Variants in KCNA6 observed in about 807,000 individuals in gnomAD.
KCNA6 encodes the protein human brain potassium channel-2.
Under a neutral mutation model 29.5 loss-of-function variants are expected in KCNA6, and 17 were observed. The observed-to-expected ratio is 0.58, with a 90% CI of 0.39 to 0.86. The LOEUF is 0.86. Among genes scored for constraint, KCNA6 ranks in the 40% least tolerant of loss-of-function variants. The pLI, the probability that KCNA6 is intolerant of heterozygous loss-of-function variation, is 0.00. For synonymous variants in KCNA6, 296 were observed against 304.7 expected, an observed-to-expected ratio of 0.97 and a Z score of 0.30; for missense variants, 450 against 703.4, an observed-to-expected ratio of 0.64 and a Z score of 4.07.
In KCNA6 at chr12:4,810,229, C is replaced by T; in HGVS notation, c.188C>T (p.Pro63Leu). Residue 63 changes from proline to leucine, a missense_variant, in exon 1 of 1, where the codon CCG (proline) becomes CTG (leucine). By Grantham distance (98) the Pro-to-Leu change is moderately conservative. This residue lies in a region of KCNA6 where 133 missense variants were observed against 217.5 expected (regional missense o/e 0.61). Transcript: ENST00000280684. This position sits in a 1 kb window ranked among gnomAD's most constrained non-coding sequence, Gnocchi z 7.5. ...CAATTGCGCACCCTGTCGCTGTTTC[C>T]GGACACGCTGCTCGGAGACCCTGGC... 6.2e-7 allele frequency: 1 copy of T among 1,613,858 alleles called. No individual in the cohort carries two copies. Among genetic ancestry groups the T allele is most frequent in the East Asian group, 2.2e-5 (1 of 44,874 alleles).
At chr12:4,822,719 G>T in the KCNA6 span, among the ~76,000 whole-genome samples, 1 of 152,230 alleles carries the variant, frequency 6.6e-6, no homozygotes, top group Non-Finnish European at 1.5e-5. Context: ...ACTCCCGCTG[G>T]CTAGGACTGA....
At chr12:4,832,253 GA>G in the KCNA6 span, among the ~76,000 whole-genome samples, 2 of 151,954 alleles carry the variant, frequency 1.3e-5, no homozygotes, top group East Asian at 3.9e-4. Flanking sequence ...CTGGCAATGT[GA>G]AAAAAACAAG....
chr12:4,845,099 A>C, the KCNA6 span, among the ~76,000 whole-genome samples: 1 of 152,006 alleles, frequency 6.6e-6, no homozygotes, highest in Admixed American at 6.6e-5. Context: ...TGCCCTGTAC[A>C]GCTGGTGTCC....
rs771239716 is a variant in KCNA6 at position 4,810,751 on chromosome 12, G to A, written c.710G>A (p.Gly237Asp). 13 of 1,607,062 alleles carry A rather than the reference G, an allele frequency of 8.1e-6. No homozygotes were observed. In the African/African-American group the frequency reaches 1.7e-4, roughly 21 times the overall value. The change falls in exon 1 of 1, where the codon GGC (glycine) becomes GAC (aspartate). Residue 237 changes from glycine (G) to aspartate (D), a missense_variant. Physicochemically the swap from Gly to Asp is moderately conservative, Grantham distance 94. Around this residue, in one of 7 missense-constraint regions of KCNA6, gnomAD observed 74 missense variants for 71.5 expected, o/e 1.03. Transcript: ENST00000280684. This position sits in a 1 kb window ranked among gnomAD's most constrained non-coding sequence, Gnocchi z 7.5. ...GACGATTCCTACACATTTCATCATG[G>A]CATCACCCCTGGGGAAATGGGGACC...
the KCNA6 span, among the ~76,000 whole-genome samples, chr12:4,841,690 C>T: frequency 6.6e-6 from 1 of 152,194 alleles, no homozygotes; most frequent in South Asian, 2.1e-4. Context: ...CTTTTGCACA[C>T]TTTCTGTCAG....
chr12:4,849,450 A>C, the KCNA6 span, among the ~76,000 whole-genome samples: 1 of 143,692 alleles, frequency 7.0e-6, no homozygotes. Context: ...GTTACCTTTC[A>C]CCTGATGGCC....
the KCNA6 span, among the ~76,000 whole-genome samples, chr12:4,841,196 G>C: frequency 6.6e-6 from 1 of 152,156 alleles, no homozygotes; most frequent in African/African-American, 2.4e-5. Context: ...GCTGAATTTA[G>C]AATCGTGTGC....
chr12:4,847,688 T>G, the KCNA6 span, among the ~76,000 whole-genome samples: 1 of 152,216 alleles, frequency 6.6e-6, no homozygotes, highest in Non-Finnish European at 1.5e-5. Flanking sequence ...ATTTTCTGTT[T>G]TCTCTGAGTT....
chr12:4,830,472 C>A, the KCNA6 span, among the ~76,000 whole-genome samples: 1 of 152,230 alleles, frequency 6.6e-6, no homozygotes, highest in African/African-American at 2.4e-5. Flanking sequence ...CTGGAGCCCC[C>A]TGCAGTGGTG....
At chr12:4,838,176 C>T in the KCNA6 span, among the ~76,000 whole-genome samples, 1 of 152,214 alleles carries the variant, frequency 6.6e-6, no homozygotes, top group Non-Finnish European at 1.5e-5. Flanking sequence ...ACCCCTTCCT[C>T]AGACGTTTGG....
At chr12:4,846,500 TTG>T in the KCNA6 span, among the ~76,000 whole-genome samples, 19,729 of 152,192 alleles carry the variant, frequency 0.13, 1,462 homozygotes, top group African/African-American at 0.19. Flanking sequence ...AGTGTTGTAT[TTG>T]TGTTTCCTTT....
At chr12:4,849,278 G>A in the KCNA6 span, among the ~76,000 whole-genome samples, 14 of 152,104 alleles carry the variant, frequency 9.2e-5, no homozygotes, top group South Asian at 2.9e-3. Flanking sequence ...GACCCGTAGC[G>A]TTTGGAACTT....
At chr12:4,835,677 ACT>A in the KCNA6 span, among the ~76,000 whole-genome samples, 1 of 151,270 alleles carries the variant, frequency 6.6e-6, no homozygotes, top group Non-Finnish European at 1.5e-5. Flanking sequence ...TTGTTAGGAA[ACT>A]CTCTCCCACC....
the KCNA6 span, among the ~76,000 whole-genome samples, chr12:4,826,692 T>C: frequency 6.6e-6 from 1 of 152,382 alleles, no homozygotes; most frequent in African/African-American, 2.4e-5. Flanking sequence ...TTGAAAATTC[T>C]GCGGATACCC....
the KCNA6 span, among the ~76,000 whole-genome samples, chr12:4,844,941 A>G: frequency 1.3e-5 from 2 of 152,110 alleles, no homozygotes; most frequent in African/African-American, 4.8e-5. The surrounding 1 kb of genome is among the most constrained non-coding windows in gnomAD (Gnocchi z 4.0). Context: ...AATTCTTTCC[A>G]GATTTTCCAA....
downstream of KCNA6, among the ~76,000 whole-genome samples, chr12:4,815,516 G>A (rs575734793): frequency 1.3e-5 from 2 of 152,294 alleles, no homozygotes; most frequent in South Asian, 4.1e-4. Flanking sequence ...GACCACCTCA[G>A]GTTCTCCAAG....
At chr12:4,817,294 G>A (rs111839405), downstream of KCNA6, among the ~76,000 whole-genome samples, 798 of 152,352 alleles carry the variant, frequency 5.2e-3, 5 homozygotes, top group African/African-American at 0.018. Context: ...GAGCTTGGCA[G>A]TTGGCAGGGA....
chr12:4,836,681 T>C, the KCNA6 span, among the ~76,000 whole-genome samples: 1 of 152,050 alleles, frequency 6.6e-6, no homozygotes, highest in African/African-American at 2.4e-5. Context: ...CTGAAGGCCA[T>C]GGGAGCAAGC....
chr12:4,814,791 C>T (rs1946666228), downstream of KCNA6: 2 of 167,144 alleles, frequency 1.2e-5, no homozygotes, highest in Middle Eastern at 3.4e-3. This position sits in a 1 kb window ranked among gnomAD's most constrained non-coding sequence, Gnocchi z 4.6. Flanking sequence ...GAGGTAGGTT[C>T]TACTGGAGGG....
Sources: allele counts gnomAD v4.1 joint callset (sites outside exome capture counted in the v4.1 genomes callset), GRCh38; gene constraint gnomAD v4.1.1; regional missense constraint gnomAD v4.1.1; non-coding constraint Gnocchi (gnomAD v3.1); transcripts MANE v1.5; gene names NCBI Gene and HGNC (gene_info 2026-07-23, HGNC 2026-07-21).